TMEM268: variants seen among roughly 807,000 people sequenced by gnomAD.
TMEM268 encodes transmembrane protein C9orf91.
In TMEM268, 24 loss-of-function variants were observed where a neutral mutation model predicts 39.1. The observed-to-expected ratio is 0.61, with a 90% CI of 0.44 to 0.86. The LOEUF (loss-of-function observed/expected upper bound fraction) is 0.86, where lower values mean the gene tolerates loss of function less well. Among genes scored for constraint, TMEM268 ranks in the 40% least tolerant of loss-of-function variants. The pLI is 0.00. For synonymous variants in TMEM268, 176 were observed against 173.5 expected (o/e 1.01, Z -0.12); for missense variants, 409 against 428.6 (o/e 0.95, Z 0.40).
chr9:114,613,388 A>C (rs1845581883), intron 1 of TMEM268, among the ~76,000 whole-genome samples: 1 of 152,204 alleles, frequency 6.6e-6, no homozygotes, highest in Non-Finnish European at 1.5e-5. Context: ...TTGAGACTCT[A>C]GTACAGCTTC....
rs372811324 is a variant in TMEM268 at position 114,626,978 on chromosome 9, C to T, written c.296C>T (p.Ser99Leu). ...PQVRRYIIYNSRPMRLAFAVV... is the reference protein window; with the variant it reads ...PQVRRYIIYNLRPMRLAFAVV... ...GTGAGAAGATATATCATCTACAACTCGAGGCCTATGCGGCTGGCCTTTGCT... is the reference window on the plus strand; with the variant it reads ...GTGAGAAGATATATCATCTACAACTTGAGGCCTATGCGGCTGGCCTTTGCT... The change falls in exon 4 of 9, where the codon TCG (serine) becomes TTG (leucine). Residue 99 changes from serine to leucine, a missense_variant. Transcript: ENST00000288502. 75 of 1,613,064 alleles carry T rather than the reference C, an allele frequency of 4.6e-5. No individual in the cohort carries two copies. The highest frequency in any genetic ancestry group is 3.8e-4 in the South Asian group (35 of 91,036).
rs535394648 is a variant in TMEM268 at position 114,619,028 on chromosome 9, C to G, written c.106+1727C>G. ...CAGCATCCAGAATTGTGGGGGCCCA[C>G]GGGAATGTGGAGGGTTTTTTAGAGG... On this transcript the variant is annotated intron_variant, in intron 2 of 8. Transcript: ENST00000288502. Among the ~76,000 whole-genome samples the G allele has an allele frequency of 2.0e-5, 3 of 152,132 alleles. No individual in the cohort carries two copies. The East Asian group carries it at 5.8e-4, about 29-fold the overall frequency.
intron 2 of TMEM268, among the ~76,000 whole-genome samples, chr9:114,622,791 C>T (rs1845995859): frequency 1.3e-5 from 2 of 152,176 alleles, no homozygotes; most frequent in African/African-American, 4.8e-5. Context: ...AACATACTGG[C>T]TTAAAACCAC....
rs538609658 is a variant in TMEM268, at chr9:114,642,994, G to A, written c.850-140G>A. ...GCATCTTCTGAGAGTCCTAGGTGCT[G>A]ACCTGGCCTGGTTCTTCCTAGAGAG... On this transcript the variant is annotated intron_variant, in intron 8 of 8. Coordinates refer to ENST00000288502, the MANE Select transcript of TMEM268 (RefSeq NM_153045.4). The A allele has an allele frequency of 5.0e-4, 403 of 805,374 alleles. 2 individuals are homozygous for A. In the South Asian group the frequency reaches 6.6e-3, roughly 13 times the overall value. The allele number at this position is 805,374 out of a possible 1,614,324, so 49.9% of individuals were successfully genotyped here.
chr9:114,617,480 C>T (rs1381363077), intron 2 of TMEM268, among the ~76,000 whole-genome samples, 179 bp downstream of exon 2: 2 of 152,206 alleles, frequency 1.3e-5, no homozygotes, highest in African/African-American at 4.8e-5. Context: ...TCTGCTGAGC[C>T]CCTGCTGTAG....
At chr9:114,606,066 T>C in the TMEM268 span, among the ~76,000 whole-genome samples, 12 of 151,918 alleles carry the variant, frequency 7.9e-5, no homozygotes, top group African/African-American at 2.9e-4. Context: ...ACAATTATCT[T>C]AGGTGGTTTT....
At chr9:114,622,138 G>A (rs912077561) in intron 2 of TMEM268, 1 of 985,404 alleles carries the variant, frequency 1.0e-6, no homozygotes, top group Non-Finnish European at 1.2e-6. Flanking sequence ...AGCAGGGAGA[G>A]AGAGGGTTTG....
chr9:114,635,327 G>A (rs1179020330), intron 6 of TMEM268, among the ~76,000 whole-genome samples: 1 of 150,708 alleles, frequency 6.6e-6, no homozygotes, highest in Non-Finnish European at 1.5e-5. Context: ...TCCAGCCTGG[G>A]CAACAGAGCG....
chr9:114,643,017 G>A, intron 8 of TMEM268, 117 bp from the exon 9 acceptor site: 2 of 1,044,826 alleles, frequency 1.9e-6, no homozygotes, highest in South Asian at 1.5e-5. Context: ...TCTTCCTAGA[G>A]AGCATCACTG....
At chr9:114,627,029 A>C in intron 4 of TMEM268, 23 bp downstream of exon 4, 1 of 1,522,334 alleles carries the variant, frequency 6.6e-7, no homozygotes, top group Non-Finnish European at 9.1e-7. Context: ...TGGCCCGCAC[A>C]CTGACCCTGC....
intron 2 of TMEM268, among the ~76,000 whole-genome samples, chr9:114,619,951 G>T (rs759608016): frequency 6.6e-6 from 1 of 152,046 alleles, no homozygotes; most frequent in Non-Finnish European, 1.5e-5. Context: ...GCTCATGCCT[G>T]TAATCCCAGC....
intron 5 of TMEM268, among the ~76,000 whole-genome samples, chr9:114,632,899 G>A (rs996024365): frequency 7.9e-5 from 12 of 152,150 alleles, no homozygotes; most frequent in Non-Finnish European, 1.8e-4. Context: ...CTTGTCCAGG[G>A]CCATATAGCT....
chr9:114,609,020 C>T (rs1272927059), upstream of TMEM268, among the ~76,000 whole-genome samples: 1 of 152,094 alleles, frequency 6.6e-6, no homozygotes, highest in African/African-American at 2.4e-5. Context: ...TAAAAAAATG[C>T]ATGCATAGGC....
chr9:114,635,530 C>A (rs913772023), intron 6 of TMEM268, among the ~76,000 whole-genome samples: 1 of 151,202 alleles, frequency 6.6e-6, no homozygotes, highest in African/African-American at 2.4e-5. Flanking sequence ...AGTACAAAAA[C>A]TAGCTGGGCA....
chr9:114,618,842 G>T (rs1361755281), intron 2 of TMEM268, among the ~76,000 whole-genome samples: 1 of 152,104 alleles, frequency 6.6e-6, no homozygotes, highest in Non-Finnish European at 1.5e-5. Context: ...TTGAAGTCTG[G>T]CTTCTTCACT....
At chr9:114,627,113 G>A (rs2133649553) in intron 4 of TMEM268, 107 bp downstream of exon 4, 2 of 766,968 alleles carry the variant, frequency 2.6e-6, no homozygotes, top group Non-Finnish European at 4.4e-6. Context: ...GGGCTTGGGG[G>A]CTGTTGGCCC....
intron 7 of TMEM268, among the ~76,000 whole-genome samples, chr9:114,638,286 T>C (rs958601510): frequency 6.6e-6 from 1 of 152,184 alleles, no homozygotes; most frequent in African/African-American, 2.4e-5. Context: ...AAGTGATCCC[T>C]CTGCCTTGGC....
At chr9:114,615,893 T>C (rs772253228) in intron 1 of TMEM268, among the ~76,000 whole-genome samples, 3 of 151,812 alleles carry the variant, frequency 2.0e-5, no homozygotes, top group Non-Finnish European at 2.9e-5. Flanking sequence ...GGTTTTGCCA[T>C]GTTGGCCAGG....
intron 1 of TMEM268, among the ~76,000 whole-genome samples, chr9:114,612,294 G>A (rs1444758716): frequency 6.6e-6 from 1 of 152,176 alleles, no homozygotes; most frequent in Non-Finnish European, 1.5e-5. Flanking sequence ...TGAAAAAGAG[G>A]GGAGTTGACC....
Sources: gnomAD v4.1 joint callset for allele counts (sites outside exome capture counted in the v4.1 genomes callset) on GRCh38, gnomAD v4.1.1 for gene constraint, MANE v1.5 for transcripts, NCBI Gene and HGNC (gene_info 2026-07-23, HGNC 2026-07-21) for gene names.